The following MYO16 variants were observed in gnomAD, a reference collection of about 807,000 sequenced individuals.
The protein encoded by MYO16 is unconventional myosin-XVI.
A neutral mutation model predicts 205.3 loss-of-function variants in MYO16; 94 were observed. The observed-to-expected ratio is 0.46, with a 90% CI of 0.39 to 0.54. The LOEUF (loss-of-function observed/expected upper bound fraction) is 0.54, where lower values mean the gene tolerates loss of function less well. MYO16 is among the 20% of genes least tolerant of loss of function. The pLI is 0.00. For missense variants in MYO16, 2,315 were observed against 2,387.5 expected (o/e 0.97, Z 0.63); for synonymous variants, 988 against 954.0 (o/e 1.04, Z -0.66).
intron 4 of MYO16, among the ~76,000 whole-genome samples, chr13:108,782,402 G>A (rs1886330537): frequency 6.6e-6 from 1 of 152,206 alleles, no homozygotes; most frequent in Admixed American, 6.5e-5. Flanking sequence ...AAGCTTCAAA[G>A]CATTCAAGAG....
At chr13:109,070,644 A>C (rs958124150) in intron 27 of MYO16, among the ~76,000 whole-genome samples, 2 of 152,208 alleles carry the variant, frequency 1.3e-5, no homozygotes, top group Admixed American at 1.3e-4. Flanking sequence ...TCCCCAAAAA[A>C]GCACCCTGAG....
intron 4 of MYO16, among the ~76,000 whole-genome samples, chr13:108,744,500 A>G (rs1349305235): frequency 1.3e-5 from 2 of 152,228 alleles, no homozygotes; most frequent in African/African-American, 4.8e-5. Context: ...TCTCACGTTT[A>G]CACTGAAGCT....
intron 23 of MYO16, among the ~76,000 whole-genome samples, chr13:109,025,029 A>C (rs9583325): frequency 0.017 from 2,570 of 152,260 alleles, 74 homozygotes; most frequent in African/African-American, 0.059. Flanking sequence ...AAATAGCTCT[A>C]TGATAGTAAA....
At chr13:108,510,422 T>C in the MYO16 span, among the ~76,000 whole-genome samples, 8 of 39,342 alleles carry the variant, frequency 2.0e-4, no homozygotes, top group Non-Finnish European at 3.1e-4. Context: ...CGGTAGATAG[T>C]TAATTTTTTT....
chr13:108,789,279 A>G (rs1886546571), intron 5 of MYO16, among the ~76,000 whole-genome samples: 1 of 152,014 alleles, frequency 6.6e-6, no homozygotes, highest in South Asian at 2.1e-4. Flanking sequence ...CTTATTTGAT[A>G]TCCTTCTAAT....
chr13:108,576,876 T>C, the MYO16 span, among the ~76,000 whole-genome samples: 2 of 152,124 alleles, frequency 1.3e-5, no homozygotes, highest in Non-Finnish European at 2.9e-5. Flanking sequence ...TCCTTCCACC[T>C]CAGCCTCCTG....
chr13:108,564,679 G>T, the MYO16 span, among the ~76,000 whole-genome samples: 2 of 152,168 alleles, frequency 1.3e-5, no homozygotes, highest in South Asian at 4.1e-4. Context: ...GCCCATTTTT[G>T]CTTTGGTTGC....
upstream of MYO16, among the ~76,000 whole-genome samples, chr13:108,595,729 C>T (rs1048371765): frequency 6.6e-6 from 1 of 152,114 alleles, no homozygotes; most frequent in Non-Finnish European, 1.5e-5. Flanking sequence ...CCTCTTCTGT[C>T]TGCCCAGCTT....
intron 5 of MYO16, among the ~76,000 whole-genome samples, chr13:108,790,463 T>A (rs1183361692): frequency 6.6e-6 from 1 of 152,170 alleles, no homozygotes; most frequent in African/African-American, 2.4e-5. Context: ...AAATAATAAA[T>A]CTAAATGGAC....
rs1876973713 is a variant in MYO16 at position 109,140,177 on chromosome 13, G to A, written c.4052-87G>A. On this transcript the variant is annotated intron_variant, in intron 31 of 34. Coordinates refer to ENST00000457511, the MANE Select transcript of MYO16 (RefSeq NM_001198950.3). This position sits in a 1 kb window ranked among gnomAD's most constrained non-coding sequence, Gnocchi z 8.0. ...CTTGGGATTCTCGGGGCACGGGGCC[G>A]TGGCTCCCTCCGAGTCGAGCCCCGG... is the stretch of plus-strand genomic sequence containing the variant. The A allele has an allele frequency of 5.8e-6, 9 of 1,541,254 alleles. No individual in the cohort carries two copies. The highest frequency in any genetic ancestry group is 1.2e-5 in the South Asian group (1 of 83,442).
chr13:108,684,799 C>A (rs941861258), intron 2 of MYO16, among the ~76,000 whole-genome samples: 2 of 152,092 alleles, frequency 1.3e-5, no homozygotes, highest in Non-Finnish European at 2.9e-5. Context: ...AGAGAGTTCC[C>A]GGATTACTGA....
Position 108,835,120 on chromosome 13 carries a change from T to C in MYO16, c.1098-9223T>C, listed in dbSNP as rs1465593399. Reference sequence around the variant, plus strand: ...TTTTCTTATATGAATAAGAGAGTAATATGGTTTAGATGTGTCCCCACCCAA... The same window carrying C: ...TTTTCTTATATGAATAAGAGAGTAACATGGTTTAGATGTGTCCCCACCCAA... On this transcript the variant is annotated intron_variant, in intron 9 of 34. Coordinates refer to ENST00000457511, the MANE Select transcript of MYO16 (RefSeq NM_001198950.3). Among the ~76,000 whole-genome samples the C allele has an allele frequency of 2.0e-5, 3 of 151,962 alleles. No individual in the cohort carries two copies. In the East Asian group the frequency reaches 5.8e-4, roughly 29 times the overall value.
chr13:108,755,312 C>T (rs185141851), intron 4 of MYO16, among the ~76,000 whole-genome samples: 1 of 152,192 alleles, frequency 6.6e-6, no homozygotes, highest in Admixed American at 6.5e-5. Flanking sequence ...TGATCTAGAG[C>T]AGACACAGAC....
At chr13:108,931,061 G>T (rs1215592613) in intron 16 of MYO16, among the ~76,000 whole-genome samples, 1 of 152,154 alleles carries the variant, frequency 6.6e-6, no homozygotes, top group East Asian at 1.9e-4. Flanking sequence ...GAATCGCTGG[G>T]CTCCCCTGTA....
chr13:108,709,549 A>C (rs1460154026), intron 2 of MYO16, among the ~76,000 whole-genome samples: 1 of 134,806 alleles, frequency 7.4e-6, no homozygotes, highest in Non-Finnish European at 1.6e-5. Flanking sequence ...AGAGGTGTGG[A>C]GGGAATTAAA....
intron 1 of MYO16, among the ~76,000 whole-genome samples, chr13:108,630,380 G>A (rs929008918): frequency 2.0e-5 from 3 of 152,072 alleles, no homozygotes; most frequent in Non-Finnish European, 4.4e-5. Flanking sequence ...TTCACCTTGC[G>A]GTGCTTAGGG....
At chr13:109,046,569 A>T (rs1407091714) in intron 23 of MYO16, among the ~76,000 whole-genome samples, 1 of 152,214 alleles carries the variant, frequency 6.6e-6, no homozygotes, top group Non-Finnish European at 1.5e-5. Flanking sequence ...TCATTCCAAA[A>T]GTTTCGCAAG....
intron 16 of MYO16, among the ~76,000 whole-genome samples, chr13:108,931,901 TCCC>T (rs1386165974): frequency 6.6e-6 from 1 of 152,202 alleles, no homozygotes; most frequent in African/African-American, 2.4e-5. Context: ...TTGTGAATGT[TCCC>T]CCTTCTTCAT....
intron 4 of MYO16, among the ~76,000 whole-genome samples, chr13:108,768,888 A>G (rs1230395011): frequency 1.3e-5 from 2 of 152,120 alleles, no homozygotes; most frequent in East Asian, 3.9e-4. Context: ...TTGAACAGAT[A>G]ATTTATGAAA....
Sources: gnomAD v4.1 joint callset for allele counts (sites outside exome capture counted in the v4.1 genomes callset) on GRCh38, gnomAD v4.1.1 for gene constraint, Gnocchi (gnomAD v3.1) non-coding constraint, MANE v1.5 for transcripts, NCBI Gene and HGNC (gene_info 2026-07-23, HGNC 2026-07-21) for gene names.